DIAPH3: variants seen among roughly 807,000 people sequenced by gnomAD.
DIAPH3 encodes the protein diaphanous related formin 3.
DIAPH3 carries 117 observed loss-of-function variants against 144.3 expected under a neutral mutation model. The ratio of observed to expected loss-of-function variants is 0.81; its 90% CI spans 0.70 to 0.95. The LOEUF (loss-of-function observed/expected upper bound fraction) is 0.95. Among genes scored for constraint, DIAPH3 ranks in the 40% least tolerant of loss-of-function variants. DIAPH3 has a pLI of 0.00. For synonymous variants in DIAPH3, 519 were observed against 488.9 expected (o/e 1.06, Z -0.81); for missense variants, 1,421 against 1,412.7 (o/e 1.01, Z -0.09).
Position 59,839,186 on chromosome 13 carries a change from G to T in DIAPH3, c.2862+138C>A. The T allele has an allele frequency of 2.1e-6, 2 of 946,306 alleles. 1 individual carries two copies. Among genetic ancestry groups the T allele is most frequent in the South Asian group, 3.0e-5 (2 of 67,546 alleles). 58.6% of individuals were successfully genotyped at this position (946,306 alleles called of 1,614,324 possible). A position where few individuals can be genotyped will look rare whatever the true frequency, so the allele number is the denominator to read the frequency against. On this transcript the variant is annotated intron_variant, in intron 23 of 27. Coordinates refer to ENST00000400324, the MANE Select transcript of DIAPH3 (RefSeq NM_001042517.2). ...GACAGACACTTTGATAAATTTCCCT[G>T]CAAGAAGGCAAAGGTTAAACTTTCT... is the stretch of plus-strand genomic sequence containing the variant.
At chr13:60,003,011 T>C (rs1368900442) in intron 9 of DIAPH3, among the ~76,000 whole-genome samples, 1 of 152,112 alleles carries the variant, frequency 6.6e-6, no homozygotes, top group Non-Finnish European at 1.5e-5. Context: ...CTTATCCCAG[T>C]CCTTTTCTAC....
chr13:59,833,138 G>A lies in DIAPH3; in HGVS notation c.2996C>T (p.Thr999Ile), dbSNP rs1299384598. 4 of 1,610,416 alleles carry A rather than the reference G, an allele frequency of 2.5e-6. No individual in the cohort carries two copies. Among genetic ancestry groups the A allele is most frequent in the Admixed American group, 3.3e-5 (2 of 59,704 alleles). ...VKKVSVEDFL[T>I]DLNNFRTTFM... ...TGTGGTTCTGAAGTTATTCAGGTCA[G>A]TAAGAAAGTCTTCCACAGACACCTT... Residue 999 changes from threonine (T) to isoleucine (I), a missense_variant, in exon 24 of 28, where the codon ACT (threonine) becomes ATT (isoleucine). Coordinates refer to ENST00000400324, the MANE Select transcript of DIAPH3 (RefSeq NM_001042517.2).
At position 59,671,845 on chromosome 13, in the gene DIAPH3, TCTTAAATA is replaced by T. The variant is rs1297734676; in HGVS notation, c.3320-5007_3320-5000del. ...GAACGTTGTTGGAGAGCTGAATGCC[TCTTAAATA>T]CTGATACCCACTGGACTTAAAAATG... On this transcript the variant is annotated intron_variant, in intron 27 of 27. Transcript: ENST00000400324. Among the ~76,000 whole-genome samples, 5 of 152,308 alleles carry T rather than the reference TCTTAAATA, an allele frequency of 3.3e-5. No homozygotes were observed. In the East Asian group the frequency reaches 9.6e-4, roughly 29 times the overall value.
intron 1 of DIAPH3, among the ~76,000 whole-genome samples, chr13:60,136,898 C>CCACT (rs1310040737): frequency 6.6e-6 from 1 of 151,926 alleles, no homozygotes; most frequent in Non-Finnish European, 1.5e-5. Flanking sequence ...CGAGATTGTG[C>CCACT]CACTGCACTC....
chr13:59,759,467 C>T (rs2037460580), intron 27 of DIAPH3, among the ~76,000 whole-genome samples: 1 of 152,096 alleles, frequency 6.6e-6, no homozygotes, highest in African/African-American at 2.4e-5. Flanking sequence ...CAACATAGTA[C>T]CTAGAGTTAC....
chr13:59,977,123 A>G (rs959469723), intron 14 of DIAPH3, among the ~76,000 whole-genome samples: 1 of 151,852 alleles, frequency 6.6e-6, no homozygotes, highest in Admixed American at 6.6e-5. Context: ...CTGAAGACAC[A>G]GTTAAACAGA....
At chr13:59,737,381 T>C (rs764436422) in intron 27 of DIAPH3, among the ~76,000 whole-genome samples, 4 of 152,352 alleles carry the variant, frequency 2.6e-5, no homozygotes, top group Non-Finnish European at 4.4e-5. Flanking sequence ...ATTCTTTGCA[T>C]ACTCATTATC....
chr13:59,903,254 G>A (rs2046547321), intron 20 of DIAPH3, among the ~76,000 whole-genome samples: 1 of 152,214 alleles, frequency 6.6e-6, no homozygotes, highest in Admixed American at 6.5e-5. Flanking sequence ...CATTTGCAAA[G>A]CTTTGAAATA....
intron 20 of DIAPH3, 140 bp downstream of exon 20, chr13:59,911,595 C>A: frequency 1.5e-6 from 1 of 687,288 alleles, no homozygotes; most frequent in Non-Finnish European, 2.6e-6. Context: ...CATGAATATC[C>A]TTAAGTTAAA....
chr13:59,902,082 T>C (rs2046466394), intron 20 of DIAPH3, among the ~76,000 whole-genome samples: 1 of 152,178 alleles, frequency 6.6e-6, no homozygotes, highest in African/African-American at 2.4e-5. Flanking sequence ...GTCACTATAT[T>C]TGGTTAAATC....
At chr13:60,133,017 T>A (rs1216424377) in intron 1 of DIAPH3, 28 bp from the exon 2 acceptor site, 1 of 1,529,930 alleles carries the variant, frequency 6.5e-7, no homozygotes, top group East Asian at 2.3e-5. Flanking sequence ...GCAATCATAT[T>A]AGTAATTTAT....
chr13:59,694,578 TTAAAA>T (rs2033697972), intron 27 of DIAPH3, among the ~76,000 whole-genome samples: 1 of 152,292 alleles, frequency 6.6e-6, no homozygotes, highest in Non-Finnish European at 1.5e-5. Context: ...CGCTTGATTG[TTAAAA>T]TAAACAATGC....
intron 4 of DIAPH3, among the ~76,000 whole-genome samples, chr13:60,067,436 A>T (rs1476470886): frequency 6.6e-6 from 1 of 152,176 alleles, no homozygotes; most frequent in Non-Finnish European, 1.5e-5. Flanking sequence ...ATATCTCTTT[A>T]TCCAACCAAC....
intron 2 of DIAPH3, among the ~76,000 whole-genome samples, chr13:60,120,341 A>T (rs1214507979): frequency 6.6e-6 from 1 of 152,184 alleles, no homozygotes; most frequent in Non-Finnish European, 1.5e-5. Flanking sequence ...TAGGCCATAG[A>T]CTTAACCACC....
intron 4 of DIAPH3, among the ~76,000 whole-genome samples, chr13:60,058,941 T>A (rs1327643666): frequency 2.0e-5 from 3 of 151,826 alleles, no homozygotes. Context: ...AAGTGACAAG[T>A]GCATCAAATC....
intron 21 of DIAPH3, 74 bp from the exon 22 acceptor site, chr13:59,861,610 A>G (rs2043594571): frequency 1.4e-6 from 2 of 1,470,130 alleles, no homozygotes; most frequent in Non-Finnish European, 9.5e-7. Context: ...AATAATATTA[A>G]TACTGTATTT....
intron 4 of DIAPH3, among the ~76,000 whole-genome samples, chr13:60,065,692 A>C (rs1457294587): frequency 6.6e-6 from 1 of 152,198 alleles, no homozygotes; most frequent in Non-Finnish European, 1.5e-5. Context: ...GATCTTTAAA[A>C]AATTTTCCCA....
chr13:59,995,468 T>C (rs1275673255), intron 9 of DIAPH3, among the ~76,000 whole-genome samples: 1 of 151,930 alleles, frequency 6.6e-6, no homozygotes, highest in Admixed American at 6.6e-5. Flanking sequence ...GGTTCCATCT[T>C]AGGGCATCAG....
chr13:59,763,091 C>T (rs73208927), intron 27 of DIAPH3, among the ~76,000 whole-genome samples: 4,689 of 152,152 alleles, frequency 0.031, 111 homozygotes, highest in Non-Finnish European at 0.042. Context: ...ATAGACAAAA[C>T]AATCTCCAAG....
Sources: allele counts gnomAD v4.1 joint callset (sites outside exome capture counted in the v4.1 genomes callset), GRCh38; gene constraint gnomAD v4.1.1; transcripts MANE v1.5; gene names NCBI Gene and HGNC (gene_info 2026-07-23, HGNC 2026-07-21).